Variants in SPTB observed in about 807,000 individuals in gnomAD.
The protein encoded by SPTB is spectrin beta chain, erythrocytic.
Under a neutral mutation model 256.2 loss-of-function variants are expected in SPTB, and 45 were observed. That is an observed-to-expected ratio of 0.18 (90% CI 0.14 to 0.23). The LOEUF (loss-of-function observed/expected upper bound fraction) is 0.23. Among genes scored for constraint, SPTB ranks in the 10% least tolerant of loss-of-function variants. The pLI, the probability that SPTB is intolerant of heterozygous loss-of-function variation, is 1.00. For missense variants in SPTB, 2,715 were observed against 3,040.4 expected, an observed-to-expected ratio of 0.89 and a Z score of 2.52; for synonymous variants, 1,231 against 1,243.1, an observed-to-expected ratio of 0.99 and a Z score of 0.21.
At position 64,793,450 on chromosome 14, in the gene SPTB, T is replaced by G; in HGVS notation, c.2213A>C (p.Asn738Thr). 6.2e-7 allele frequency: 1 copy of G among 1,613,802 alleles called. No individual in the cohort carries two copies. The highest frequency in any genetic ancestry group is 8.5e-7 in the Non-Finnish European group (1 of 1,179,982). Reference sequence around the variant, plus strand: ...GAAAAAGTTCTCAGCATCCTGGAGGTTCTTCTTGCAGAAGGCAGCCAGGTC... The same window carrying G: ...GAAAAAGTTCTCAGCATCCTGGAGGGTCTTCTTGCAGAAGGCAGCCAGGTC... ...LKDLAAFCKK[N>T]LQDAENFFQF... is the part of the protein sequence containing the mutation. Residue 738 changes from asparagine to threonine, a missense_variant, in exon 14 of 36, where the codon AAC becomes ACC. Coordinates refer to ENST00000644917, the MANE Select transcript of SPTB (RefSeq NM_001355436.2). This position sits in a 1 kb window ranked among gnomAD's most constrained non-coding sequence, Gnocchi z 7.0.
rs1231627459 is a variant in SPTB at position 64,791,865 on chromosome 14, G to C, written c.2667-9C>G. The C allele has an allele frequency of 6.2e-7, 1 of 1,614,112 alleles. No homozygotes were observed. Among genetic ancestry groups the C allele is most frequent in the Admixed American group, 1.7e-5 (1 of 60,034 alleles). ...GGTCCAGGATGTCGAACCTGATATG[G>C]GCAAAGGAAAATATGAGGATGGGTG... On this transcript the variant is annotated splice_polypyrimidine_tract_variant and intron_variant, in intron 14 of 35. Transcript: ENST00000644917.
At chr14:64,800,895 G>T in intron 7 of SPTB, 27 bp from the exon 8 acceptor site, 1 of 1,570,346 alleles carries the variant, frequency 6.4e-7, no homozygotes, top group Non-Finnish European at 8.7e-7. Flanking sequence ...TGTACTCTCA[G>T]GACCAAACTG....
Position 64,749,049 on chromosome 14 carries a change from G to A in SPTB, c.*257C>T, listed in dbSNP as rs149576500. ...AGAACCGTTTCCTGCCCCCAGGCCT[G>A]GAGGCCCCAAAGGCGCCAGAGGAGC... is the stretch of plus-strand genomic sequence containing the variant. On this transcript the variant is annotated 3_prime_UTR_variant, in exon 36 of 36. Coordinates refer to ENST00000644917, the MANE Select transcript of SPTB (RefSeq NM_001355436.2). This position sits in a 1 kb window ranked among gnomAD's most constrained non-coding sequence, Gnocchi z 4.7. The A allele has an allele frequency of 4.8e-6, 2 of 415,128 alleles. No homozygotes were observed. Among genetic ancestry groups the A allele is most frequent in the African/African-American group, 2.2e-5 (1 of 45,630 alleles). 25.7% of individuals were successfully genotyped at this position (415,128 alleles called of 1,614,324 possible). A position where few individuals can be genotyped will look rare whatever the true frequency, so the allele number is the denominator to read the frequency against.
At chr14:64,829,217 A>G (rs771388288) in intron 1 of SPTB, among the ~76,000 whole-genome samples, 8 of 152,234 alleles carry the variant, frequency 5.3e-5, no homozygotes, top group Non-Finnish European at 8.8e-5. Flanking sequence ...ATTACAGGAA[A>G]TCAAGATAAA....
intron 2 of SPTB, among the ~76,000 whole-genome samples, chr14:64,817,811 T>C (rs1268558060): frequency 6.6e-6 from 1 of 152,004 alleles, no homozygotes; most frequent in Non-Finnish European, 1.5e-5. Context: ...CCCTGGGGAG[T>C]TCCTGGCAGC....
chr14:64,766,728 G>A lies in SPTB; in HGVS notation c.6343C>T (p.Pro2115Ser), dbSNP rs1212051430. ...SHHAATERTS[P>S]GEEEGTWPQN... ...GACAAACGAGACCAGAGACTGACCG[G>A]GGACGTTCTCTCGGTGGCCGCATGG... The change falls in exon 32 of 36, where the codon CCG becomes TCG. Residue 2115 changes from proline (P) to serine (S), a missense_variant and splice_region_variant. This residue lies in a region of SPTB where 2,239 missense variants were observed against 2,384.4 expected (regional missense o/e 0.94). Transcript: ENST00000644917. The A allele has an allele frequency of 6.2e-7, 1 of 1,613,596 alleles. No individual in the cohort carries two copies. Among genetic ancestry groups the A allele is most frequent in the South Asian group, 1.1e-5 (1 of 91,080 alleles).
At chr14:64,762,911 G>A (rs1298699414) in intron 32 of SPTB, among the ~76,000 whole-genome samples, 4 of 152,362 alleles carry the variant, frequency 2.6e-5, no homozygotes, top group African/African-American at 9.6e-5. Flanking sequence ...TAGCAAAGGT[G>A]ATTAGGAGCA....
chr14:64,773,064 C>G, intron 25 of SPTB, 110 bp from the exon 26 acceptor site: 2 of 1,553,302 alleles, frequency 1.3e-6, no homozygotes, highest in Non-Finnish European at 1.7e-6. Context: ...GGGAGCTGCG[C>G]TGTCACACCT....
intron 15 of SPTB, among the ~76,000 whole-genome samples, chr14:64,789,801 A>G (rs1199257666): frequency 6.6e-6 from 1 of 152,164 alleles, no homozygotes; most frequent in African/African-American, 2.4e-5. Flanking sequence ...GGAGGAAAAG[A>G]TTGCTTTTCA....
At chr14:64,872,142 A>G (rs1271430474) in intron 1 of SPTB, among the ~76,000 whole-genome samples, 1 of 152,226 alleles carries the variant, frequency 6.6e-6, no homozygotes, top group East Asian at 1.9e-4. Context: ...CGACAAAAAC[A>G]GAAATTAAAA....
At chr14:64,768,940 G>T in intron 29 of SPTB, 94 bp downstream of exon 29, 1 of 1,018,672 alleles carries the variant, frequency 9.8e-7, no homozygotes, top group Non-Finnish European at 1.5e-6. Flanking sequence ...TCTCTAGGCA[G>T]TAGTGAAAAT....
Position 64,793,455 on chromosome 14 carries a change from C to G in SPTB, c.2208G>C (p.Lys736Asn). ...AGTTCTCAGCATCCTGGAGGTTCTT[C>G]TTGCAGAAGGCAGCCAGGTCCTTCA... ...DQLKDLAAFC[K>N]KNLQDAENFF... The change falls in exon 14 of 36, where the codon AAG (lysine) becomes AAC (asparagine). Residue 736 changes from lysine (K) to asparagine (N), a missense_variant. Lys to Asn is a moderately conservative substitution (Grantham distance 94). Coordinates refer to ENST00000644917, the MANE Select transcript of SPTB (RefSeq NM_001355436.2). The surrounding 1 kb of genome is among the most constrained non-coding windows in gnomAD (Gnocchi z 7.0). The G allele has an allele frequency of 6.2e-7, 1 of 1,614,102 alleles. No homozygotes were observed. The highest frequency in any genetic ancestry group is 8.5e-7 in the Non-Finnish European group (1 of 1,180,040).
Position 64,767,877 on chromosome 14 carries a change from A to C in SPTB, c.6023-18T>G. The C allele has an allele frequency of 6.2e-7, 1 of 1,612,948 alleles. No homozygotes were observed. Among genetic ancestry groups the C allele is most frequent in the Non-Finnish European group, 8.5e-7 (1 of 1,179,632 alleles). On this transcript the variant is annotated intron_variant, in intron 29 of 35. Transcript: ENST00000644917. The stretch of plus-strand genomic sequence containing the variant: ...CTCCAGCACTGCCAGGGGGAACAGG[A>C]CACAGACCCCCCACAAGGCCCAGGG...
chr14:64,844,007 T>C lies in SPTB; in HGVS notation c.-51-20862A>G, dbSNP rs1177509527. On this transcript the variant is annotated intron_variant, in intron 1 of 35. Coordinates refer to ENST00000644917, the MANE Select transcript of SPTB (RefSeq NM_001355436.2). This position sits in a 1 kb window ranked among gnomAD's most constrained non-coding sequence, Gnocchi z 4.1. ...AGCCACCCTAATGTGTTTTATCAAATTGTTTTTAATTATAAAAGTGACATA... is the reference window on the plus strand; with the variant it reads ...AGCCACCCTAATGTGTTTTATCAAACTGTTTTTAATTATAAAAGTGACATA... Among the ~76,000 whole-genome samples the C allele has an allele frequency of 6.6e-6, 1 of 152,178 alleles. No individual in the cohort carries two copies. The highest frequency in any genetic ancestry group is 1.5e-5 in the Non-Finnish European group (1 of 68,032).
chr14:64,798,035 CTG>C (rs2082809814), intron 9 of SPTB, among the ~76,000 whole-genome samples, 189 bp from the exon 10 acceptor site: 1 of 152,202 alleles, frequency 6.6e-6, no homozygotes, highest in Admixed American at 6.5e-5. Context: ...TTTTCACCAA[CTG>C]AGATCTATTA....
chr14:64,851,154 T>C (rs552610130), intron 1 of SPTB, among the ~76,000 whole-genome samples: 15 of 152,232 alleles, frequency 9.9e-5, no homozygotes, highest in African/African-American at 3.6e-4. Flanking sequence ...AAAAAACAGA[T>C]TCATAGTTTT....
In SPTB at chr14:64,759,504, G is replaced by GC. The variant is rs1414572097; in HGVS notation, c.6346-5712dup. On this transcript the variant is annotated intron_variant, in intron 32 of 35. Transcript: ENST00000644917. This position sits in a 1 kb window ranked among gnomAD's most constrained non-coding sequence, Gnocchi z 4.8. The stretch of plus-strand genomic sequence containing the variant: ...TAATAAGAGGGGATGAGGGGAGGCT[G>GC]CCCCCCTGTAAGCAGGCCATGGTCT... Among the ~76,000 whole-genome samples, 5 of 152,342 alleles carry GC rather than the reference G, an allele frequency of 3.3e-5. No individual in the cohort carries two copies. The South Asian group carries it at 1.0e-3, about 32-fold the overall frequency.
rs141429651 is a variant in SPTB, at chr14:64,815,745, A to C, written c.148+7202T>G. ...GTTCCCTTCCCCAAGCCAGGAACCA[A>C]AGCTACATGGTTCAGGGTAAAGAGG... On this transcript the variant is annotated intron_variant, in intron 2 of 35. Transcript: ENST00000644917. Among the ~76,000 whole-genome samples the C allele has an allele frequency of 3.3e-5, 5 of 152,294 alleles. No homozygotes were observed. The East Asian group carries it at 9.6e-4, about 29-fold the overall frequency.
chr14:64,854,544 C>T (rs1274137743), intron 1 of SPTB, among the ~76,000 whole-genome samples: 1 of 152,048 alleles, frequency 6.6e-6, no homozygotes, highest in Non-Finnish European at 1.5e-5. Context: ...TCCCAAAGTG[C>T]TGGGATTACA....
Sources: gnomAD v4.1 joint callset for allele counts (sites outside exome capture counted in the v4.1 genomes callset) on GRCh38, gnomAD v4.1.1 for gene constraint, gnomAD v4.1.1 regional missense constraint, Gnocchi (gnomAD v3.1) non-coding constraint, MANE v1.5 for transcripts, NCBI Gene and HGNC (gene_info 2026-07-23, HGNC 2026-07-21) for gene names.